PCDH9: variants seen among roughly 807,000 people sequenced by gnomAD.
PCDH9 encodes protocadherin-9.
Under a neutral mutation model 70.6 loss-of-function variants are expected in PCDH9, and 24 were observed. The ratio of observed to expected loss-of-function variants is 0.34; its 90% confidence interval spans 0.25 to 0.48. PCDH9 has a LOEUF of 0.48. Among genes scored for constraint, PCDH9 ranks in the 20% least tolerant of loss-of-function variants. The probability of loss-of-function intolerance (pLI) is 0.99; values close to 1 mark genes in which losing one functional copy is unlikely to be tolerated. For synonymous variants in PCDH9, 562 were observed against 558.5 expected (o/e 1.01, Z -0.09); for missense variants, 1,281 against 1,503.6 (o/e 0.85, Z 2.45).
intron 3 of PCDH9, among the ~76,000 whole-genome samples, chr13:66,779,548 C>T (rs1014376355): frequency 2.0e-5 from 3 of 152,030 alleles, no homozygotes; most frequent in Non-Finnish European, 4.4e-5. Context: ...TATGGCTGGG[C>T]GCGGTGGCTC....
At chr13:67,110,749 G>A (rs2086643621) in intron 2 of PCDH9, among the ~76,000 whole-genome samples, 1 of 152,098 alleles carries the variant, frequency 6.6e-6, no homozygotes, top group Non-Finnish European at 1.5e-5. Context: ...ATTCACTCAG[G>A]AAATGGCTGA....
intron 3 of PCDH9, among the ~76,000 whole-genome samples, chr13:66,866,141 T>C: frequency 6.6e-6 from 1 of 152,172 alleles, no homozygotes; most frequent in Non-Finnish European, 1.5e-5. Flanking sequence ...TTTAAACCTG[T>C]TCATCATCAC....
intron 4 of PCDH9, among the ~76,000 whole-genome samples, chr13:66,553,463 C>T (rs375608775): frequency 6.6e-5 from 10 of 152,172 alleles, no homozygotes; most frequent in East Asian, 3.9e-4. Context: ...TGTAGTATGT[C>T]GAGTTGTTTT....
chr13:67,179,649 G>C (rs2088563409), intron 2 of PCDH9, among the ~76,000 whole-genome samples: 1 of 152,008 alleles, frequency 6.6e-6, no homozygotes, highest in African/African-American at 2.4e-5. Context: ...TACTCTATTA[G>C]AATTGAAGCT....
intron 4 of PCDH9, among the ~76,000 whole-genome samples, chr13:66,595,743 T>C (rs2077094749): frequency 6.6e-6 from 1 of 151,682 alleles, no homozygotes; most frequent in African/African-American, 2.4e-5. Context: ...GACTTATGAA[T>C]AGTCATTGGT....
At chr13:66,529,803 G>T (rs897265349) in intron 4 of PCDH9, among the ~76,000 whole-genome samples, 3 of 151,200 alleles carry the variant, frequency 2.0e-5, no homozygotes, top group Admixed American at 6.6e-5. Flanking sequence ...TAAAGCAAAA[G>T]GTTCCTCATA....
chr13:66,361,841 TA>T (rs1956476807), intron 4 of PCDH9, among the ~76,000 whole-genome samples: 1 of 152,190 alleles, frequency 6.6e-6, no homozygotes, highest in Non-Finnish European at 1.5e-5. Context: ...CTGCCTTGAT[TA>T]ATGTTTGAGC....
intron 2 of PCDH9, among the ~76,000 whole-genome samples, chr13:67,021,917 T>C (rs1232303452): frequency 6.6e-6 from 1 of 151,956 alleles, no homozygotes; most frequent in Admixed American, 6.6e-5. Flanking sequence ...TATATATATG[T>C]ATGTAGGTGT....
chr13:66,867,265 ATAT>A, intron 3 of PCDH9, among the ~76,000 whole-genome samples: 1 of 152,186 alleles, frequency 6.6e-6, no homozygotes, highest in African/African-American at 2.4e-5. Flanking sequence ...ACTGAGGCAC[ATAT>A]CTAAGGATTA....
intron 4 of PCDH9, among the ~76,000 whole-genome samples, chr13:66,591,500 TCA>T (rs1330485943): frequency 1.3e-5 from 2 of 150,838 alleles, no homozygotes; most frequent in African/African-American, 4.9e-5. Flanking sequence ...AGCAAAAATC[TCA>T]CTTTAGGAGT....
At chr13:66,744,048 C>G (rs947501951) in intron 3 of PCDH9, among the ~76,000 whole-genome samples, 5 of 152,138 alleles carry the variant, frequency 3.3e-5, no homozygotes, top group African/African-American at 1.2e-4. Context: ...AGGTGTCCAA[C>G]AAGGTTACTT....
chr13:66,705,286 A>T (rs979497122), intron 3 of PCDH9, among the ~76,000 whole-genome samples: 7 of 152,216 alleles, frequency 4.6e-5, no homozygotes, highest in Non-Finnish European at 1.0e-4. Context: ...AATATGTAGC[A>T]TATAAACTGC....
chr13:66,663,532 A>G (rs2078048571), intron 3 of PCDH9, among the ~76,000 whole-genome samples: 1 of 152,168 alleles, frequency 6.6e-6, no homozygotes, highest in Non-Finnish European at 1.5e-5. Context: ...TAGAAAAGTG[A>G]CCTATGTTCT....
rs1319302462 is a variant in PCDH9, at chr13:66,776,751, A to C, written c.3138+126753T>G. ...TGCCATCCCCATCAAGCTACCAATGACTTTCTTCACAGAATTGGAAAAAAC... is the reference window on the plus strand; with the variant it reads ...TGCCATCCCCATCAAGCTACCAATGCCTTTCTTCACAGAATTGGAAAAAAC... On this transcript the variant is annotated intron_variant, in intron 3 of 4. Coordinates refer to ENST00000377865, the MANE Select transcript of PCDH9 (RefSeq NM_203487.3). Among the ~76,000 whole-genome samples the C allele has an allele frequency of 9.9e-5, 15 of 151,320 alleles. No individual in the cohort carries two copies. The South Asian group carries it at 2.5e-3, about 26-fold the overall frequency.
At chr13:67,138,780 C>T (rs2087299329) in intron 2 of PCDH9, among the ~76,000 whole-genome samples, 1 of 152,110 alleles carries the variant, frequency 6.6e-6, no homozygotes, top group Non-Finnish European at 1.5e-5. Flanking sequence ...AACCTGGATA[C>T]CCTCCACTGT....
At chr13:66,992,642 A>C (rs899833474) in intron 2 of PCDH9, among the ~76,000 whole-genome samples, 6 of 152,078 alleles carry the variant, frequency 3.9e-5, no homozygotes, top group African/African-American at 1.4e-4. Flanking sequence ...TTATATATTT[A>C]TATATATAGG....
At chr13:66,629,623 C>T (rs1000619417) in intron 4 of PCDH9, among the ~76,000 whole-genome samples, 8 of 152,064 alleles carry the variant, frequency 5.3e-5, no homozygotes, top group Non-Finnish European at 1.0e-4. Flanking sequence ...CTGTTCTTCT[C>T]GATATGTGAA....
chr13:66,386,054 T>G (rs2138255389), intron 4 of PCDH9, among the ~76,000 whole-genome samples: 1 of 151,990 alleles, frequency 6.6e-6, no homozygotes, highest in South Asian at 2.1e-4. Flanking sequence ...ATGTTGGTAA[T>G]ACATTAATTT....
At chr13:66,479,490 TA>T (rs1958797532) in intron 4 of PCDH9, among the ~76,000 whole-genome samples, 1 of 152,198 alleles carries the variant, frequency 6.6e-6, no homozygotes, top group South Asian at 2.1e-4. Flanking sequence ...TTGATGCCAT[TA>T]AGATCATTTG....
Sources: allele counts gnomAD v4.1 joint callset (sites outside exome capture counted in the v4.1 genomes callset), GRCh38; gene constraint gnomAD v4.1.1; transcripts MANE v1.5; gene names NCBI Gene and HGNC (gene_info 2026-07-23, HGNC 2026-07-21).